EPAS1: variants seen among roughly 807,000 people sequenced by gnomAD.
EPAS1 encodes endothelial PAS domain-containing protein 1.
EPAS1 carries 23 observed loss-of-function variants against 87.9 expected under a neutral mutation model. The observed-to-expected ratio is 0.26, with a 90% CI of 0.19 to 0.37. The LOEUF is 0.37. Ranked by LOEUF, EPAS1 falls within the 10% of genes least tolerant of loss-of-function variation. The probability of loss-of-function intolerance (pLI) is 1.00; values close to 1 mark genes in which losing one functional copy is unlikely to be tolerated. For synonymous variants in EPAS1, 508 were observed against 444.3 expected (o/e 1.14, Z -1.80); for missense variants, 1,138 against 1,120.7 (o/e 1.02, Z -0.22).
Position 46,371,094 on chromosome 2 carries a change from G to A in EPAS1, c.886+1161G>A, listed in dbSNP as rs11692911. Among the ~76,000 whole-genome samples, 53,771 of 152,022 alleles carry A rather than the reference G, an allele frequency of 0.35. 10,995 individuals carry two copies. Among genetic ancestry groups the A allele is most frequent in the Non-Finnish European group, 0.48 (32,596 of 67,946 alleles). On this transcript the variant is annotated intron_variant, in intron 7 of 15. Coordinates refer to ENST00000263734, the MANE Select transcript of EPAS1 (RefSeq NM_001430.5). This position sits in a 1 kb window ranked among gnomAD's most constrained non-coding sequence, Gnocchi z 4.3. ...TATTTGGAAAAGAATGCTTCAAAAC[G>A]AGTGCCCACAGTGGTGCAGACAGTG... is the stretch of plus-strand genomic sequence containing the variant.
At position 46,381,962 on chromosome 2, in the gene EPAS1, T is replaced by C; in HGVS notation, c.2173-13T>C. The stretch of plus-strand genomic sequence containing the variant: ...GGCCATTTCCCCTTTCCATCTGCCC[T>C]TCTTACTCCCAGGGGGACCCACCTG... On this transcript the variant is annotated splice_polypyrimidine_tract_variant and intron_variant, in intron 13 of 15. Coordinates refer to ENST00000263734, the MANE Select transcript of EPAS1 (RefSeq NM_001430.5). The C allele has an allele frequency of 6.9e-7, 1 of 1,446,492 alleles. No homozygotes were observed. Among genetic ancestry groups the C allele is most frequent in the Non-Finnish European group, 9.3e-7 (1 of 1,076,980 alleles). The allele number at this position is 1,446,492 out of a possible 1,614,324, so 89.6% of individuals were successfully genotyped here. A position where few individuals can be genotyped will look rare whatever the true frequency, so the allele number is the denominator to read the frequency against.
rs761662869 is a variant in EPAS1, at chr2:46,385,123, C to T, written c.*463C>T. ...TTTGCTTTCCAAGCTTGGTTTGTGG[C>T]GTCTCCCTCGCAGAGCCCTTCTCGT... On this transcript the variant is annotated 3_prime_UTR_variant, in exon 16 of 16. Coordinates refer to ENST00000263734, the MANE Select transcript of EPAS1 (RefSeq NM_001430.5). The T allele has an allele frequency of 8.6e-5, 15 of 174,772 alleles. No homozygotes were observed. The highest frequency in any genetic ancestry group is 1.5e-4 in the East Asian group (1 of 6,694). 10.8% of individuals were successfully genotyped at this position (174,772 alleles called of 1,614,324 possible).
intron 1 of EPAS1, among the ~76,000 whole-genome samples, chr2:46,336,290 GCC>G (rs1683793366): frequency 6.6e-6 from 1 of 152,184 alleles, no homozygotes; most frequent in Non-Finnish European, 1.5e-5. Flanking sequence ...TTGTGTCTGT[GCC>G]CTTCCCCTGG....
intron 1 of EPAS1, among the ~76,000 whole-genome samples, chr2:46,319,747 T>G (rs781119022): frequency 6.6e-6 from 1 of 152,214 alleles, no homozygotes; most frequent in African/African-American, 2.4e-5. Flanking sequence ...ATTTTTAAAT[T>G]GAGTTGAATG....
intron 1 of EPAS1, among the ~76,000 whole-genome samples, chr2:46,334,249 A>G (rs559029544): frequency 4.6e-5 from 7 of 152,200 alleles, no homozygotes; most frequent in Non-Finnish European, 7.3e-5. Context: ...ACAACAGGCT[A>G]GGCAATTATC....
intron 9 of EPAS1, 47 bp from the exon 10 acceptor site, chr2:46,377,847 A>T (rs373763698): frequency 1.3e-6 from 2 of 1,551,428 alleles, no homozygotes; most frequent in African/African-American, 2.7e-5. Context: ...CCTTGGGGTG[A>T]GCCCGATGGT....
intron 15 of EPAS1, 126 bp downstream of exon 15, chr2:46,382,724 T>A: frequency 7.8e-7 from 1 of 1,274,830 alleles, no homozygotes; most frequent in Non-Finnish European, 1.1e-6. Flanking sequence ...AAGTCACCTA[T>A]ACAGGGCTCA....
In EPAS1 at chr2:46,381,956, C is replaced by T. The variant is rs753853786; in HGVS notation, c.2173-19C>T. On this transcript the variant is annotated intron_variant, in intron 13 of 15. Coordinates refer to ENST00000263734, the MANE Select transcript of EPAS1 (RefSeq NM_001430.5). ...TTCTCTGGCCATTTCCCCTTTCCATCTGCCCTTCTTACTCCCAGGGGGACC... is the reference window on the plus strand; with the variant it reads ...TTCTCTGGCCATTTCCCCTTTCCATTTGCCCTTCTTACTCCCAGGGGGACC... 1.4e-6 allele frequency: 2 copies of T among 1,417,448 alleles called. No individual in the cohort carries two copies. Among genetic ancestry groups the T allele is most frequent in the South Asian group, 1.1e-5 (1 of 88,162 alleles). The allele number at this position is 1,417,448 out of a possible 1,614,324, so 87.8% of individuals were successfully genotyped here. A position where few individuals can be genotyped will look rare whatever the true frequency, so the allele number is the denominator to read the frequency against.
At position 46,378,681 on chromosome 2, in the gene EPAS1, A is replaced by ACAT. The variant is rs1188944856; in HGVS notation, c.1470_1472dup (p.Ser491dup). ...GCCCAATAGCCCTGAAGACTATTAC[A>ACAT]CATCTTTGGATAACGACCTGAAGAT... On this transcript the variant is annotated inframe_insertion, in exon 11 of 16. Coordinates refer to ENST00000263734, the MANE Select transcript of EPAS1 (RefSeq NM_001430.5). 1.9e-6 allele frequency: 3 copies of ACAT among 1,614,120 alleles called. No individual in the cohort carries two copies. Among genetic ancestry groups the ACAT allele is most frequent in the Non-Finnish European group, 2.5e-6 (3 of 1,180,018 alleles).
chr2:46,325,530 T>G (rs1363680957), intron 1 of EPAS1, among the ~76,000 whole-genome samples: 2 of 152,188 alleles, frequency 1.3e-5, no homozygotes, highest in African/African-American at 4.8e-5. Flanking sequence ...GTAGTTCAAC[T>G]GAGAATCCAG....
At chr2:46,356,606 G>A in intron 3 of EPAS1, 118 bp from the exon 4 acceptor site, 1 of 851,074 alleles carries the variant, frequency 1.2e-6, no homozygotes. Context: ...CTGGGATTAT[G>A]AGAAAACCCA....
chr2:46,300,518 A>C lies in EPAS1; in HGVS notation c.26+2581A>C, dbSNP rs1682975989. ...TAGTTGGCTGGGTGTCCTTGATAGT[A>C]CCAGTTTTGGTGGTAGTGGGCATTT... On this transcript the variant is annotated intron_variant, in intron 1 of 15. Transcript: ENST00000263734. This position sits in a 1 kb window ranked among gnomAD's most constrained non-coding sequence, Gnocchi z 4.1. Among the ~76,000 whole-genome samples the C allele has an allele frequency of 6.6e-6, 1 of 152,182 alleles. No individual in the cohort carries two copies. Among genetic ancestry groups the C allele is most frequent in the Admixed American group, 6.5e-5 (1 of 15,274 alleles).
At position 46,323,377 on chromosome 2, in the gene EPAS1, C is replaced by T. The variant is rs558263420; in HGVS notation, c.27-23496C>T. ...GGTGCCAAAGGCAACTGTGTCCACA[C>T]CTGATGAGGTCTTTTAACAAATGGA... On this transcript the variant is annotated intron_variant, in intron 1 of 15. Coordinates refer to ENST00000263734, the MANE Select transcript of EPAS1 (RefSeq NM_001430.5). 3.9e-5 allele frequency among the ~76,000 whole-genome samples: 6 copies of T among 152,320 alleles called. No individual in the cohort carries two copies. In the East Asian group the frequency reaches 1.2e-3, roughly 29 times the overall value.
chr2:46,328,286 G>A (rs867675885), intron 1 of EPAS1, among the ~76,000 whole-genome samples: 4 of 152,190 alleles, frequency 2.6e-5, no homozygotes, highest in African/African-American at 9.7e-5. Context: ...TAGAGGCCAC[G>A]ATGGCAGGTA....
Position 46,380,079 on chromosome 2 carries a change from T to G in EPAS1, c.1555-148T>G. ...GACACAGCCAAGTCTGAGGTTTTCC[T>G]GATAGGCCCTCGGGAGCCAGTGGAG... On this transcript the variant is annotated intron_variant, in intron 11 of 15. Transcript: ENST00000263734. This position sits in a 1 kb window ranked among gnomAD's most constrained non-coding sequence, Gnocchi z 4.4. 3.8e-6 allele frequency: 5 copies of G among 1,320,780 alleles called. No homozygotes were observed. The highest frequency in any genetic ancestry group is 4.3e-6 in the Non-Finnish European group (4 of 929,370). The allele number at this position is 1,320,780 out of a possible 1,614,324, so 81.8% of individuals were successfully genotyped here.
chr2:46,301,033 C>T (rs1014040219), intron 1 of EPAS1, among the ~76,000 whole-genome samples: 3 of 152,152 alleles, frequency 2.0e-5, no homozygotes, highest in Non-Finnish European at 4.4e-5. Context: ...TTACCAGCAG[C>T]GCAGGATGAT....
chr2:46,364,110 C>T (rs547732475), intron 6 of EPAS1, among the ~76,000 whole-genome samples: 15 of 152,278 alleles, frequency 9.9e-5, no homozygotes, highest in Admixed American at 2.0e-4. Flanking sequence ...ATACACTCTC[C>T]GCCTCAATTC....
chr2:46,376,674 C>G lies in EPAS1; in HGVS notation c.1170C>G (p.Phe390Leu), dbSNP rs548212027. The part of the protein sequence containing the change: ...GAVSEKSNFL[F>L]TKLKEEPEEL... ...TGTCTGAGAAGAGTAACTTCCTATT[C>G]ACCAAGCTAAAGGAGGAGCCCGAGG... The change falls in exon 9 of 16, where the codon TTC becomes TTG. Residue 390 changes from phenylalanine to leucine, a missense_variant. Physicochemically the swap from Phe to Leu is conservative, Grantham distance 22 (BLOSUM62 0). Coordinates refer to ENST00000263734, the MANE Select transcript of EPAS1 (RefSeq NM_001430.5). 4.3e-6 allele frequency: 7 copies of G among 1,614,112 alleles called. No homozygotes were observed. In the South Asian group the frequency reaches 7.7e-5, roughly 18 times the overall value.
rs57351888 is a variant in EPAS1, at chr2:46,359,257, C to CAAAAAAAAAAAAAAAAAAAA, written c.455-1376_455-1357dup. ...CTGGCGACAGAGCAAGATTCTGTCT[C>CAAAAAAAAAAAAAAAAAAAA]AAAAAAAAAAAAAAAAAAAAAAAAG... On this transcript the variant is annotated intron_variant, in intron 4 of 15. Transcript: ENST00000263734. Among the ~76,000 whole-genome samples, 14 of 25,086 alleles carry CAAAAAAAAAAAAAAAAAAAA rather than the reference C, an allele frequency of 5.6e-4. 1 individual carries two copies. The highest frequency in any genetic ancestry group is 4.0e-3 in the East Asian group (1 of 250). The allele number at this position is 25,086 out of a possible 152,430, so 16.5% of individuals were successfully genotyped here.
Sources: allele counts gnomAD v4.1 joint callset (sites outside exome capture counted in the v4.1 genomes callset), GRCh38; gene constraint gnomAD v4.1.1; non-coding constraint Gnocchi (gnomAD v3.1); transcripts MANE v1.5; gene names NCBI Gene and HGNC (gene_info 2026-07-23, HGNC 2026-07-21).